Variants in PRDM8 observed in about 807,000 individuals in gnomAD.
The protein encoded by PRDM8 is PR domain zinc finger protein 8.
PRDM8 carries 13 observed loss-of-function variants against 46.5 expected under a neutral mutation model. The observed-to-expected ratio is 0.28, with a 90% CI of 0.18 to 0.44. The LOEUF (loss-of-function observed/expected upper bound fraction) is 0.44, where lower values mean the gene tolerates loss of function less well. PRDM8 is among the 20% of genes least tolerant of loss of function. The probability of loss-of-function intolerance (pLI) is 1.00; values close to 1 mark genes in which losing one functional copy is unlikely to be tolerated. For synonymous variants in PRDM8, 473 were observed against 438.4 expected (o/e 1.08, Z -0.98); for missense variants, 998 against 955.0 (o/e 1.04, Z -0.59).
In PRDM8 at chr4:80,200,128, G is replaced by A. The variant is rs772014976; in HGVS notation, c.48G>A (p.Lys16=). 1 of 1,614,098 alleles carries A rather than the reference G, an allele frequency of 6.2e-7. No homozygotes were observed. The highest frequency in any genetic ancestry group is 8.5e-7 in the Non-Finnish European group (1 of 1,180,016). Residue 16 remains lysine, a synonymous_variant, in exon 2 of 4, where the codon AAG becomes AAA. Transcript: ENST00000415738. ...GAGGCATCTGGGATGGAGATGCCAA[G>A]GCTGTCCAACAATGTCTGACAGATA... The part of the protein sequence containing the change: ...IQRGIWDGDA[K]AVQQCLTDIF...
At chr4:80,194,567 A>T (rs1560469042), upstream of PRDM8, among the ~76,000 whole-genome samples, 1 of 152,244 alleles carries the variant, frequency 6.6e-6, no homozygotes, top group Admixed American at 6.5e-5. Flanking sequence ...GGACATTTAT[A>T]TTACCAAGCA....
chr4:80,200,757 GT>G (rs3839147), intron 2 of PRDM8, among the ~76,000 whole-genome samples: 8,523 of 152,240 alleles, frequency 0.056, 763 homozygotes, highest in East Asian at 0.41. Flanking sequence ...AAATAAAAAT[GT>G]TTATGGTTTT....
At position 80,203,283 on chromosome 4, in the gene PRDM8, G is replaced by C. The variant is rs1361333573; in HGVS notation, c.1821G>C (p.Ser607=). Residue 607 remains serine (S), a synonymous_variant, in exon 4 of 4, where the codon TCG becomes TCC. Coordinates refer to ENST00000415738, the MANE Select transcript of PRDM8 (RefSeq NM_001099403.2). ...AAGPLQLQLP[S]ALTLLPPSFT... ...GGCCCTTGCAGCTGCAGCTGCCCTC[G>C]GCGCTCACGCTGCTGCCGCCCTCCT... 2 of 1,599,992 alleles carry C rather than the reference G, an allele frequency of 1.3e-6. No homozygotes were observed. The highest frequency in any genetic ancestry group is 1.7e-6 in the Non-Finnish European group (2 of 1,174,752).
At chr4:80,187,903 G>T (rs1295768247) in intron 1 of PRDM8, among the ~76,000 whole-genome samples, 2 of 152,198 alleles carry the variant, frequency 1.3e-5, no homozygotes, top group Non-Finnish European at 2.9e-5. Flanking sequence ...TCCCATTTCA[G>T]ACAGACTCTT....
intron 1 of PRDM8, among the ~76,000 whole-genome samples, chr4:80,190,855 G>T (rs1234485206): frequency 6.6e-6 from 1 of 152,150 alleles, no homozygotes; most frequent in Non-Finnish European, 1.5e-5. Context: ...CATTGGCATT[G>T]GCTTTCTCGA....
At chr4:80,200,337 A>C in intron 2 of PRDM8, 38 bp downstream of exon 2, 1 of 1,537,406 alleles carries the variant, frequency 6.5e-7, no homozygotes, top group East Asian at 2.3e-5. Flanking sequence ...GTATGAGGGT[A>C]ATGTCCTGTT....
Position 80,202,737 on chromosome 4 carries a change from C to A in PRDM8, c.1275C>A (p.Pro425=). 7.7e-7 allele frequency: 1 copy of A among 1,292,244 alleles called. No individual in the cohort carries two copies. Among genetic ancestry groups the A allele is most frequent in the Non-Finnish European group, 9.8e-7 (1 of 1,025,050 alleles). 80.0% of individuals were successfully genotyped at this position (1,292,244 alleles called of 1,614,324 possible). A position where few individuals can be genotyped will look rare whatever the true frequency, so the allele number is the denominator to read the frequency against. The change falls in exon 4 of 4, where the codon CCC becomes CCA. Residue 425 remains proline, a synonymous_variant. Coordinates refer to ENST00000415738, the MANE Select transcript of PRDM8 (RefSeq NM_001099403.2). ...DAGGGGGSST[P]AAASPVGAEK... The stretch of plus-strand genomic sequence containing the variant: ...GCGGCGGCGGCGGCTCCTCCACGCC[C>A]GCGGCCGCGTCACCGGTGGGCGCCG...
rs1457390834 is a variant in PRDM8 at position 80,201,929 on chromosome 4, C to A, written c.467C>A (p.Thr156Lys). The A allele has an allele frequency of 5.0e-6, 8 of 1,613,988 alleles. No homozygotes were observed. The highest frequency in any genetic ancestry group is 6.8e-6 in the Non-Finnish European group (8 of 1,180,000). The change falls in exon 4 of 4, where the codon ACA becomes AAA. Residue 156 changes from threonine (T) to lysine (K), a missense_variant. Transcript: ENST00000415738. ...HNKMNGSSPYTCLECSQRFQF... is the reference protein window; with the variant it reads ...HNKMNGSSPYKCLECSQRFQF... ...CACTAAGCAGGGTCGTCCCCTTACACATGCCTGGAATGCAGCCAACGTTTC... is the reference window on the plus strand; with the variant it reads ...CACTAAGCAGGGTCGTCCCCTTACAAATGCCTGGAATGCAGCCAACGTTTC...
chr4:80,192,293 AC>A (rs1160012118), intron 2 of PRDM8, among the ~76,000 whole-genome samples: 1 of 152,174 alleles, frequency 6.6e-6, no homozygotes, highest in Non-Finnish European at 1.5e-5. Flanking sequence ...TCTTTATTTA[AC>A]TCAGGAATTA....
chr4:80,193,790 T>A (rs1002557989), upstream of PRDM8, among the ~76,000 whole-genome samples: 12 of 146,380 alleles, frequency 8.2e-5, no homozygotes, highest in African/African-American at 2.7e-4. Context: ...AGTGTGTGGG[T>A]TTTTTCCCCC....
chr4:80,188,988 C>T (rs2109863240), intron 1 of PRDM8, among the ~76,000 whole-genome samples: 1 of 152,316 alleles, frequency 6.6e-6, no homozygotes, highest in South Asian at 2.1e-4. Flanking sequence ...GCATCAGTTA[C>T]CTCGTCCTGC....
At chr4:80,197,432 G>C, upstream of PRDM8, 1 of 985,618 alleles carries the variant, frequency 1.0e-6, no homozygotes, top group Non-Finnish European at 1.2e-6. Flanking sequence ...AAAGGGAGGG[G>C]ACGTGGGCTG....
Position 80,203,738 on chromosome 4 carries a change from A to ACCC in PRDM8, c.*213_*215dup, listed in dbSNP as rs553037634. 5.4e-6 allele frequency: 2 copies of ACCC among 372,100 alleles called. No homozygotes were observed. The highest frequency in any genetic ancestry group is 2.6e-5 in the African/African-American group (1 of 38,232). The allele number at this position is 372,100 out of a possible 1,614,324, so 23.0% of individuals were successfully genotyped here. On this transcript the variant is annotated 3_prime_UTR_variant, in exon 4 of 4. Transcript: ENST00000415738. ...ATTCAAATATTTACCCGGGACACAC[A>ACCC]CCCCCCCCCACACACACACACAGAC...
intron 2 of PRDM8, 133 bp from the exon 3 acceptor site, chr4:80,201,157 A>C (rs1230005719): frequency 2.1e-5 from 17 of 805,632 alleles, no homozygotes; most frequent in Middle Eastern, 2.5e-4. Flanking sequence ...AAACTTTTGG[A>C]AGCGTGGTCT....
Position 80,202,080 on chromosome 4 carries a change from C to G in PRDM8, c.618C>G (p.Gly206=), listed in dbSNP as rs370541374. 22 of 1,613,260 alleles carry G rather than the reference C, an allele frequency of 1.4e-5. No individual in the cohort carries two copies. Among genetic ancestry groups the G allele is most frequent in the Non-Finnish European group, 1.9e-5 (22 of 1,179,874 alleles). ...GVGTKDHGGG[G]GGGKDQQQQQ... ...GCACCAAGGACCACGGGGGCGGCGGCGGCGGTGGCAAAGACCAGCAGCAGC... is the reference window on the plus strand; with the variant it reads ...GCACCAAGGACCACGGGGGCGGCGGGGGCGGTGGCAAAGACCAGCAGCAGC... Residue 206 remains glycine (G), a synonymous_variant, in exon 4 of 4, where the codon GGC becomes GGG. Coordinates refer to ENST00000415738, the MANE Select transcript of PRDM8 (RefSeq NM_001099403.2).
In PRDM8 at chr4:80,202,457, G is replaced by T; in HGVS notation, c.995G>T (p.Gly332Val). 1 of 1,544,544 alleles carries T rather than the reference G, an allele frequency of 6.5e-7. No individual in the cohort carries two copies. Among genetic ancestry groups the T allele is most frequent in the Non-Finnish European group, 8.7e-7 (1 of 1,146,420 alleles). Residue 332 changes from glycine (G) to valine (V), a missense_variant, in exon 4 of 4, where the codon GGC becomes GTC. Transcript: ENST00000415738. ...EGGGGAGLVG[G>V]RGRFVERPLP... is the part of the protein sequence containing the mutation. ...GGCGGTGGCGCTGGTCTGGTAGGGG[G>T]CCGGGGCCGCTTCGTAGAGCGGCCC...
chr4:80,201,875 TGC>T (rs752639357), intron 3 of PRDM8, 37 bp from the exon 4 acceptor site: 453 of 1,486,060 alleles, frequency 3.0e-4, no homozygotes, highest in Non-Finnish European at 3.5e-4. Flanking sequence ...TGTGTGTGTG[TGC>T]GTGCGTGCGT....
In PRDM8 at chr4:80,200,088, A is replaced by C. The variant is rs1371734618; in HGVS notation, c.8A>C (p.Asp3Ala). 7 of 1,612,766 alleles carry C rather than the reference A, an allele frequency of 4.3e-6. No individual in the cohort carries two copies. The highest frequency in any genetic ancestry group is 5.9e-6 in the Non-Finnish European group (7 of 1,179,090). The change falls in exon 2 of 4, where the codon GAT (aspartate) becomes GCT (alanine). Residue 3 changes from aspartate (D) to alanine (A), a missense_variant. Transcript: ENST00000415738. ME[D>A]TGIQRGIWDG... Reference sequence around the variant, plus strand: ...GTGTGTCTATCTCCAGTGATGGAGGATACTGGCATCCAGCGAGGCATCTGG... The same window carrying C: ...GTGTGTCTATCTCCAGTGATGGAGGCTACTGGCATCCAGCGAGGCATCTGG...
chr4:80,197,105 G>C, upstream of PRDM8: 2 of 985,466 alleles, frequency 2.0e-6, no homozygotes, highest in Non-Finnish European at 1.2e-6. Context: ...TTCACGGAAC[G>C]CGGACTCCGG....
Sources: gnomAD v4.1 joint callset for allele counts (sites outside exome capture counted in the v4.1 genomes callset) on GRCh38, gnomAD v4.1.1 for gene constraint, MANE v1.5 for transcripts, NCBI Gene and HGNC (gene_info 2026-07-23, HGNC 2026-07-21) for gene names.